The following MCU variants were observed in gnomAD, a reference collection of about 807,000 sequenced individuals.
MCU encodes mitochondrial calcium uniporter.
A neutral mutation model predicts 45.2 loss-of-function variants in MCU; 12 were observed. The ratio of observed to expected loss-of-function variants is 0.27; its 90% CI spans 0.17 to 0.43. The LOEUF (loss-of-function observed/expected upper bound fraction) is 0.43, where lower values mean the gene tolerates loss of function less well. Among genes scored for constraint, MCU ranks in the 20% least tolerant of loss-of-function variants. The pLI, the probability that MCU is intolerant of heterozygous loss-of-function variation, is 1.00. For synonymous variants in MCU, 160 were observed against 165.1 expected, an observed-to-expected ratio of 0.97 and a Z score of 0.24; for missense variants, 324 against 436.7, an observed-to-expected ratio of 0.74 and a Z score of 2.30.
At chr10:72,721,902 T>C (rs1161387072) in intron 1 of MCU, among the ~76,000 whole-genome samples, 1 of 152,188 alleles carries the variant, frequency 6.6e-6, no homozygotes, top group Non-Finnish European at 1.5e-5. Flanking sequence ...GTGATACATA[T>C]AAACAAATCA....
intron 1 of MCU, among the ~76,000 whole-genome samples, chr10:72,786,523 T>A (rs1213765312): frequency 6.6e-6 from 1 of 152,064 alleles, no homozygotes; most frequent in South Asian, 2.1e-4. Flanking sequence ...GGCGGGCAGA[T>A]CACGTGGAGG....
chr10:72,799,830 T>A (rs1373665913), intron 1 of MCU, among the ~76,000 whole-genome samples: 2 of 152,238 alleles, frequency 1.3e-5, no homozygotes, highest in African/African-American at 4.8e-5. Context: ...TACCTATTCA[T>A]ATTTTAAGGA....
At chr10:72,815,752 A>G (rs1295190693) in intron 1 of MCU, among the ~76,000 whole-genome samples, 3 of 152,236 alleles carry the variant, frequency 2.0e-5, no homozygotes, top group Non-Finnish European at 2.9e-5. Context: ...TACCTAATCG[A>G]AAGATTAATC....
intron 1 of MCU, among the ~76,000 whole-genome samples, chr10:72,769,727 A>G (rs1843777595): frequency 6.6e-6 from 1 of 152,172 alleles, no homozygotes; most frequent in East Asian, 1.9e-4. Flanking sequence ...GAACATTTTC[A>G]TCACCCCAGA....
chr10:72,876,929 T>G (rs560277660), intron 6 of MCU, among the ~76,000 whole-genome samples: 27 of 151,764 alleles, frequency 1.8e-4, no homozygotes, highest in African/African-American at 5.8e-4. Flanking sequence ...CAGTTTTTTT[T>G]TTTTTTTTTT....
rs146168565 is a variant in MCU, at chr10:72,832,384, G to A, written c.151-1975G>A. On this transcript the variant is annotated intron_variant, in intron 1 of 7. Transcript: ENST00000373053. ...AGATTACTAAGAAAATGAAAGCAAA[G>A]AAACTCAGAAAGGATAACAAAATTA... Among the ~76,000 whole-genome samples the A allele has an allele frequency of 6.0e-3, 906 of 152,222 alleles. 12 individuals carry two copies. The highest frequency in any genetic ancestry group is 0.021 in the African/African-American group (854 of 41,538).
intron 1 of MCU, chr10:72,766,485 A>AG (rs1481138695): frequency 3.3e-5 from 5 of 152,216 alleles, no homozygotes; most frequent in African/African-American, 1.2e-4. Flanking sequence ...AGATCATTGA[A>AG]GTCATGAATT....
chr10:72,829,646 A>G (rs994061181), intron 1 of MCU, among the ~76,000 whole-genome samples: 2 of 151,786 alleles, frequency 1.3e-5, no homozygotes, highest in African/African-American at 4.8e-5. Context: ...TAAAGGAAAA[A>G]AACTTTTACA....
At chr10:72,799,668 T>G (rs1365542097) in intron 1 of MCU, among the ~76,000 whole-genome samples, 1 of 152,048 alleles carries the variant, frequency 6.6e-6, no homozygotes, top group Admixed American at 6.5e-5. Context: ...GAGTTCACAT[T>G]AGATACTGCT....
intron 1 of MCU, among the ~76,000 whole-genome samples, chr10:72,694,905 C>T (rs907460320): frequency 6.6e-6 from 1 of 152,146 alleles, no homozygotes; most frequent in African/African-American, 2.4e-5. Flanking sequence ...GTCTCTTCCC[C>T]CTTCTCCATT....
intron 1 of MCU, among the ~76,000 whole-genome samples, chr10:72,822,454 A>T (rs1047752128): frequency 5.3e-5 from 8 of 152,228 alleles, no homozygotes; most frequent in African/African-American, 1.9e-4. Flanking sequence ...AAATGGACAA[A>T]TTCCTAGAGT....
At position 72,860,431 on chromosome 10, in the gene MCU, C is replaced by G; in HGVS notation, c.400C>G (p.Arg134Gly). ...ATTTGAAATTTTCACAGATGGTGTT[C>G]GCGTTGCTGCTTCAACAGGAATAGA... ...RVAIYSPDGV[R>G]VAASTGIDLL... is the part of the protein sequence containing the mutation. The change falls in exon 4 of 8, where the codon CGC becomes GGC. Residue 134 changes from arginine (R) to glycine (G), a missense_variant. Arg to Gly is a moderately radical substitution (Grantham distance 125, BLOSUM62 -2). Around this residue, in one of 4 missense-constraint regions of MCU, gnomAD observed 135 missense variants for 207.3 expected, o/e 0.65. Transcript: ENST00000373053. 1.2e-6 allele frequency: 2 copies of G among 1,613,550 alleles called. No individual in the cohort carries two copies. Among genetic ancestry groups the G allele is most frequent in the Non-Finnish European group, 1.7e-6 (2 of 1,179,626 alleles).
intron 2 of MCU, among the ~76,000 whole-genome samples, chr10:72,853,846 A>T (rs992803955): frequency 3.3e-5 from 5 of 151,892 alleles, no homozygotes; most frequent in South Asian, 2.1e-4. Context: ...CTACAAAAAT[A>T]AAAATTAAAA....
chr10:72,744,897 G>T (rs1843392093), intron 1 of MCU, among the ~76,000 whole-genome samples: 1 of 151,964 alleles, frequency 6.6e-6, no homozygotes, highest in Non-Finnish European at 1.5e-5. Context: ...TAATTTTTTT[G>T]TTTTTTAAAC....
At chr10:72,692,779 G>T in intron 1 of MCU, 1 of 1,381,262 alleles carries the variant, frequency 7.2e-7, no homozygotes, top group South Asian at 1.7e-5. Flanking sequence ...GAGCTGCCCC[G>T]GAGAGCAGCC....
intron 2 of MCU, among the ~76,000 whole-genome samples, chr10:72,858,194 A>G (rs1257887613): frequency 6.6e-6 from 1 of 152,232 alleles, no homozygotes; most frequent in Non-Finnish European, 1.5e-5. Flanking sequence ...ATACATACTC[A>G]GTACGCTATA....
Position 72,802,310 on chromosome 10 carries a change from GA to G in MCU, c.151-32048del, listed in dbSNP as rs1420088862. Reference sequence around the variant, plus strand: ...TTGATTCAGTAAAGTATAGAGTAGGGATAAAGAATAAACAAGACAAATTTTA... The same window carrying G: ...TTGATTCAGTAAAGTATAGAGTAGGGTAAAGAATAAACAAGACAAATTTTA... On this transcript the variant is annotated intron_variant, in intron 1 of 7. Transcript: ENST00000373053. 2.0e-5 allele frequency among the ~76,000 whole-genome samples: 3 copies of G among 151,656 alleles called. No homozygotes were observed. The East Asian group carries it at 5.8e-4, about 29-fold the overall frequency.
chr10:72,848,488 G>C (rs375609682), intron 2 of MCU, among the ~76,000 whole-genome samples: 304 of 152,148 alleles, frequency 2.0e-3, no homozygotes, highest in African/African-American at 7.0e-3. Flanking sequence ...CACTCCCCCA[G>C]TAACTAACCC....
chr10:72,701,330 G>A (rs1349197140), intron 1 of MCU, among the ~76,000 whole-genome samples: 1 of 152,176 alleles, frequency 6.6e-6, no homozygotes, highest in East Asian at 1.9e-4. Context: ...TCATAAACTG[G>A]TTTAGTGCTA....
Sources: allele counts gnomAD v4.1 joint callset (sites outside exome capture counted in the v4.1 genomes callset), GRCh38; gene constraint gnomAD v4.1.1; regional missense constraint gnomAD v4.1.1; transcripts MANE v1.5; gene names NCBI Gene and HGNC (gene_info 2026-07-23, HGNC 2026-07-21).